The following THSD7B variants were observed in gnomAD, a reference collection of about 807,000 sequenced individuals.
THSD7B encodes the protein thrombospondin type-1 domain-containing protein 7B.
In THSD7B, 138 loss-of-function variants were observed where a neutral mutation model predicts 213.6. The ratio of observed to expected loss-of-function variants is 0.65; its 90% CI spans 0.56 to 0.74. The LOEUF is 0.74. Ranked by LOEUF, THSD7B falls within the 30% of genes least tolerant of loss-of-function variation. The pLI, the probability that THSD7B is intolerant of heterozygous loss-of-function variation, is 0.00. For missense variants in THSD7B, 1,931 were observed against 1,991.5 expected (o/e 0.97, Z 0.58); for synonymous variants, 742 against 687.0 (o/e 1.08, Z -1.25).
chr2:137,476,522 A>T (rs1688196350), intron 15 of THSD7B, among the ~76,000 whole-genome samples: 1 of 152,104 alleles, frequency 6.6e-6, no homozygotes, highest in Admixed American at 6.5e-5. Flanking sequence ...GTCTAGATTA[A>T]TTTTTTCTGC....
intron 17 of THSD7B, among the ~76,000 whole-genome samples, chr2:137,613,980 C>A (rs999141757): frequency 5.9e-5 from 9 of 152,040 alleles, no homozygotes; most frequent in Admixed American, 2.0e-4. Context: ...GTTAGCAGCA[C>A]CAGGAGAATT....
chr2:136,816,343 T>G (rs1285367606), intron 1 of THSD7B, among the ~76,000 whole-genome samples: 1 of 152,252 alleles, frequency 6.6e-6, no homozygotes, highest in Non-Finnish European at 1.5e-5. Flanking sequence ...AAATGTCTAC[T>G]ACATGCACAC....
At chr2:136,927,565 C>A (rs1684561325) in intron 2 of THSD7B, among the ~76,000 whole-genome samples, 1 of 152,160 alleles carries the variant, frequency 6.6e-6, no homozygotes. Flanking sequence ...ACCTATGTAC[C>A]TAGCAAAAGG....
chr2:136,792,558 G>A (rs1681987767), intron 1 of THSD7B, among the ~76,000 whole-genome samples: 1 of 152,024 alleles, frequency 6.6e-6, no homozygotes, highest in South Asian at 2.1e-4. Flanking sequence ...TATAGATTGT[G>A]ACAAATGTAC....
intron 15 of THSD7B, among the ~76,000 whole-genome samples, chr2:137,559,057 A>G (rs1681048108): frequency 6.6e-6 from 1 of 152,202 alleles, no homozygotes; most frequent in African/African-American, 2.4e-5. Flanking sequence ...GCTCAATGAA[A>G]TGAAAGAGGA....
chr2:136,973,075 A>G (rs933212756), intron 2 of THSD7B, among the ~76,000 whole-genome samples: 4 of 152,128 alleles, frequency 2.6e-5, no homozygotes, highest in Non-Finnish European at 5.9e-5. Context: ...ATCTTCTCTT[A>G]TCTCCAGTCC....
chr2:137,644,451 C>T (rs1682992651), intron 21 of THSD7B, among the ~76,000 whole-genome samples: 1 of 152,020 alleles, frequency 6.6e-6, no homozygotes, highest in Non-Finnish European at 1.5e-5. Context: ...AAGTCAGTCA[C>T]TCAGAAGCAA....
intron 17 of THSD7B, among the ~76,000 whole-genome samples, chr2:137,584,796 T>C (rs1397589239): frequency 6.6e-6 from 1 of 152,228 alleles, no homozygotes; most frequent in Non-Finnish European, 1.5e-5. Flanking sequence ...TCTAAAATTC[T>C]CTTTTTTTGT....
intron 15 of THSD7B, among the ~76,000 whole-genome samples, chr2:137,499,417 C>T (rs1007337721): frequency 6.6e-6 from 1 of 152,112 alleles, no homozygotes; most frequent in South Asian, 2.1e-4. Flanking sequence ...AGCCCTAATA[C>T]CATCATATCA....
intron 14 of THSD7B, among the ~76,000 whole-genome samples, chr2:137,431,960 T>TCCTG (rs1264795226): frequency 6.6e-6 from 1 of 152,172 alleles, no homozygotes; most frequent in African/African-American, 2.4e-5. Flanking sequence ...TAAACCTACT[T>TCCTG]CCTGACTAAG....
intron 4 of THSD7B, among the ~76,000 whole-genome samples, chr2:137,095,878 T>G (rs369282733): frequency 1.3e-5 from 2 of 152,086 alleles, no homozygotes; most frequent in East Asian, 3.8e-4. Context: ...TATTTTTTAT[T>G]TTGTATAGAG....
In THSD7B at chr2:137,229,171, T is replaced by G. The variant is rs528926489; in HGVS notation, c.1724-1873T>G. Among the ~76,000 whole-genome samples the G allele has an allele frequency of 6.1e-4, 93 of 152,338 alleles. 2 individuals carry two copies. The highest frequency in any genetic ancestry group is 1.7e-3 in the African/African-American group (71 of 41,576). On this transcript the variant is annotated intron_variant, in intron 7 of 27. Coordinates refer to ENST00000409968, the MANE Select transcript of THSD7B (RefSeq NM_001316349.2). ...CCACCTTTCCCCTTACTTTTATTCA[T>G]AAAACCCCTACAAATATCTTGTTCC...
At chr2:137,430,098 T>C (rs577345931) in intron 14 of THSD7B, among the ~76,000 whole-genome samples, 5 of 151,928 alleles carry the variant, frequency 3.3e-5, no homozygotes, top group Admixed American at 3.3e-4. Context: ...TAAAAAGAAG[T>C]TAGCTGGGTG....
At chr2:137,423,513 G>T (rs183162187) in intron 14 of THSD7B, among the ~76,000 whole-genome samples, 111 of 152,092 alleles carry the variant, frequency 7.3e-4, no homozygotes, top group Admixed American at 6.8e-3. Context: ...ATCAGAAAAT[G>T]AAATTAAGAA....
In THSD7B at chr2:137,260,575, C is replaced by T. The variant is rs535398101; in HGVS notation, c.2267-11958C>T. Among the ~76,000 whole-genome samples, 20 of 152,166 alleles carry T rather than the reference C, an allele frequency of 1.3e-4. No individual in the cohort carries two copies. In the East Asian group the frequency reaches 1.5e-3, roughly 12 times the overall value. On this transcript the variant is annotated intron_variant, in intron 10 of 27. Transcript: ENST00000409968. ...CCCCGGAGTTGGAGATGAGCCTGGA[C>T]GACAAAGGACAACCTTGTCTCTACA...
chr2:137,000,086 G>C (rs1050075539), intron 2 of THSD7B, among the ~76,000 whole-genome samples: 2 of 152,118 alleles, frequency 1.3e-5, no homozygotes, highest in Non-Finnish European at 2.9e-5. Context: ...GTTTCTCTCT[G>C]GCATGGGGAG....
At chr2:137,048,923 C>G (rs573462611) in intron 2 of THSD7B, among the ~76,000 whole-genome samples, 1 of 152,320 alleles carries the variant, frequency 6.6e-6, no homozygotes, top group South Asian at 2.1e-4. Context: ...GAAAGTCCTT[C>G]AGGAGAACGT....
chr2:137,232,065 G>A (rs1260434383), intron 8 of THSD7B, among the ~76,000 whole-genome samples: 3 of 152,106 alleles, frequency 2.0e-5, no homozygotes, highest in Non-Finnish European at 4.4e-5. Flanking sequence ...TATATTTCTG[G>A]AAGGAGTGAA....
chr2:136,971,788 A>T lies in THSD7B; in HGVS notation c.140-84632A>T, dbSNP rs199536017. 5.9e-5 allele frequency among the ~76,000 whole-genome samples: 9 copies of T among 152,036 alleles called. No homozygotes were observed. The East Asian group carries it at 1.7e-3, about 29-fold the overall frequency. On this transcript the variant is annotated intron_variant, in intron 2 of 27. Transcript: ENST00000409968. Reference sequence around the variant, plus strand: ...CATTCAACTATAACAGAAAATGCCAACTCAGTTTAAATTTAAATTTTATAT... The same window carrying T: ...CATTCAACTATAACAGAAAATGCCATCTCAGTTTAAATTTAAATTTTATAT...
Sources: gnomAD v4.1 joint callset for allele counts (sites outside exome capture counted in the v4.1 genomes callset) on GRCh38, gnomAD v4.1.1 for gene constraint, MANE v1.5 for transcripts, NCBI Gene and HGNC (gene_info 2026-07-23, HGNC 2026-07-21) for gene names.